Variants in SGCG observed in about 807,000 individuals in gnomAD.
The protein encoded by SGCG is gamma-sarcoglycan.
A neutral mutation model predicts 29.3 loss-of-function variants in SGCG; 26 were observed. The ratio of observed to expected loss-of-function variants is 0.89; its 90% CI spans 0.65 to 1.23. The LOEUF (loss-of-function observed/expected upper bound fraction) is 1.23, where lower values mean the gene tolerates loss of function less well. Ranked by LOEUF, SGCG falls within the 50% of genes most tolerant of loss-of-function variation. The probability of loss-of-function intolerance (pLI) is 0.00; values close to 1 mark genes in which losing one functional copy is unlikely to be tolerated. For synonymous variants in SGCG, 145 were observed against 129.7 expected (o/e 1.12, Z -0.80); for missense variants, 353 against 356.0 (o/e 0.99, Z 0.07).
intron 4 of SGCG, among the ~76,000 whole-genome samples, chr13:23,278,070 G>A (rs1476065330): frequency 6.6e-6 from 1 of 152,104 alleles, no homozygotes; most frequent in African/African-American, 2.4e-5. Context: ...CTGACCTCAG[G>A]TGATTGGCTC....
intron 1 of SGCG, among the ~76,000 whole-genome samples, chr13:23,197,954 A>G (rs2137491409): frequency 6.6e-6 from 1 of 152,360 alleles, no homozygotes; most frequent in Non-Finnish European, 1.5e-5. Context: ...CCCAATGGAA[A>G]AAAAAAGACG....
chr13:23,197,518 T>A (rs1002929471), intron 1 of SGCG, among the ~76,000 whole-genome samples: 1 of 152,190 alleles, frequency 6.6e-6, no homozygotes, highest in African/African-American at 2.4e-5. Context: ...GAAAGGACCT[T>A]ACCCAAGGCA....
At chr13:23,250,850 G>T in intron 4 of SGCG, 133 bp downstream of exon 4, 1 of 718,640 alleles carries the variant, frequency 1.4e-6, no homozygotes, top group Non-Finnish European at 2.5e-6. Context: ...ATATCATGCT[G>T]TGTTGACCAC....
intron 4 of SGCG, among the ~76,000 whole-genome samples, chr13:23,255,247 G>A (rs1880134566): frequency 6.6e-6 from 1 of 152,132 alleles, no homozygotes; most frequent in Non-Finnish European, 1.5e-5. Flanking sequence ...GAGTGGTGCT[G>A]GTCACCTTGA....
intron 4 of SGCG, among the ~76,000 whole-genome samples, chr13:23,257,607 A>G (rs1880248542): frequency 1.3e-5 from 2 of 152,180 alleles, no homozygotes; most frequent in South Asian, 4.1e-4. Context: ...TGTTTTAGTC[A>G]TGAAGTCCTT....
At chr13:23,322,737 C>T (rs566927087) in intron 7 of SGCG, among the ~76,000 whole-genome samples, 2 of 139,498 alleles carry the variant, frequency 1.4e-5, no homozygotes, top group South Asian at 5.1e-4. Context: ...ATCGCACCTG[C>T]GGCGATGCAC....
chr13:23,273,388 T>G (rs1282523864), intron 4 of SGCG, among the ~76,000 whole-genome samples: 2 of 152,142 alleles, frequency 1.3e-5, no homozygotes, highest in Non-Finnish European at 2.9e-5. Flanking sequence ...TTTCACCACG[T>G]TGGCCAGTCT....
chr13:23,202,072 G>T (rs1877789978), intron 1 of SGCG, among the ~76,000 whole-genome samples: 1 of 152,176 alleles, frequency 6.6e-6, no homozygotes, highest in Admixed American at 6.5e-5. Context: ...AGGTCCTGGG[G>T]TGAGAATTAG....
Position 23,324,963 on chromosome 13 carries a change from C to T in SGCG, c.*422C>T, listed in dbSNP as rs1883184001. The stretch of plus-strand genomic sequence containing the variant: ...TACTAAAATGCCCCAAAGTTCTATA[C>T]AGCATTTCCTTTATAGCATTCAAAC... On this transcript the variant is annotated 3_prime_UTR_variant, in exon 8 of 8. Coordinates refer to ENST00000218867, the MANE Select transcript of SGCG (RefSeq NM_000231.3). The T allele has an allele frequency of 4.1e-6, 1 of 245,290 alleles. No homozygotes were observed. Among genetic ancestry groups the T allele is most frequent in the African/African-American group, 2.2e-5 (1 of 45,150 alleles). The allele number at this position is 245,290 out of a possible 1,614,324, so 15.2% of individuals were successfully genotyped here.
At chr13:23,205,031 T>C (rs918843809) in intron 2 of SGCG, among the ~76,000 whole-genome samples, 2 of 152,018 alleles carry the variant, frequency 1.3e-5, no homozygotes, top group Non-Finnish European at 2.9e-5. Flanking sequence ...ATATTTGATA[T>C]ATTAATATGA....
At chr13:23,283,423 G>A (rs1241240462) in intron 5 of SGCG, among the ~76,000 whole-genome samples, 1 of 152,150 alleles carries the variant, frequency 6.6e-6, no homozygotes, top group African/African-American at 2.4e-5. Flanking sequence ...TATTTTATCA[G>A]AGACTAGGAA....
the SGCG span, among the ~76,000 whole-genome samples, chr13:23,174,460 T>C: frequency 1.3e-5 from 2 of 152,036 alleles, no homozygotes; most frequent in Non-Finnish European, 2.9e-5. Flanking sequence ...TGACAGAAAC[T>C]GTTTATAATG....
intron 2 of SGCG, among the ~76,000 whole-genome samples, chr13:23,222,056 A>C (rs1482800890): frequency 6.6e-6 from 1 of 152,236 alleles, no homozygotes; most frequent in Non-Finnish European, 1.5e-5. Flanking sequence ...TTGTTAAATT[A>C]AGTTTAGCCT....
chr13:23,243,801 C>T, intron 3 of SGCG: 1 of 152,062 alleles, frequency 6.6e-6, no homozygotes, highest in East Asian at 1.9e-4. Flanking sequence ...AATAATGGTG[C>T]CTACTTTATA....
At chr13:23,173,154 C>T in the SGCG span, among the ~76,000 whole-genome samples, 1 of 152,236 alleles carries the variant, frequency 6.6e-6, no homozygotes, top group South Asian at 2.1e-4. Context: ...ATGTTACATT[C>T]TGGGCAAGGA....
In SGCG at chr13:23,236,838, A is replaced by G. The variant is rs968122987; in HGVS notation, c.297+2126A>G. 1.3e-5 allele frequency among the ~76,000 whole-genome samples: 2 copies of G among 152,190 alleles called. 1 individual carries two copies. The highest frequency in any genetic ancestry group is 4.8e-5 in the African/African-American group (2 of 41,448). On this transcript the variant is annotated intron_variant, in intron 3 of 7. Coordinates refer to ENST00000218867, the MANE Select transcript of SGCG (RefSeq NM_000231.3). ...GGCATTAATGAGTATGTCAATCAAC[A>G]CATAAAATTCAGTAACAATTTGAAT...
At chr13:23,295,010 A>C (rs1255514289) in intron 5 of SGCG, among the ~76,000 whole-genome samples, 2 of 152,214 alleles carry the variant, frequency 1.3e-5, no homozygotes, top group Non-Finnish European at 2.9e-5. Flanking sequence ...TATCCTGACT[A>C]CCTTAGAAAC....
chr13:23,295,250 G>A (rs1478451758), intron 5 of SGCG, among the ~76,000 whole-genome samples, 165 bp from the exon 6 acceptor site: 1 of 152,138 alleles, frequency 6.6e-6, no homozygotes, highest in Non-Finnish European at 1.5e-5. Context: ...CAGAAAAGTA[G>A]GGAAAGAGTT....
chr13:23,231,329 C>CT (rs57796934), intron 2 of SGCG, among the ~76,000 whole-genome samples: 5,761 of 145,408 alleles, frequency 0.04, 183 homozygotes, highest in Admixed American at 0.11. Context: ...CCCTCTTTCT[C>CT]TTTTTTTTTT....
Sources: allele counts gnomAD v4.1 joint callset (sites outside exome capture counted in the v4.1 genomes callset), GRCh38; gene constraint gnomAD v4.1.1; transcripts MANE v1.5; gene names NCBI Gene and HGNC (gene_info 2026-07-23, HGNC 2026-07-21).